The following NEBL variants were observed in gnomAD, a reference collection of about 807,000 sequenced individuals.
NEBL encodes the protein LIM and SH3 protein 2.
In NEBL, 122 loss-of-function variants were observed where a neutral mutation model predicts 140.2. The ratio of observed to expected loss-of-function variants is 0.87; its 90% confidence interval spans 0.75 to 1.01. The LOEUF is 1.01. NEBL is among the 50% of genes least tolerant of loss of function. The pLI is 0.00. For synonymous variants in NEBL, 436 were observed against 398.9 expected, an observed-to-expected ratio of 1.09 and a Z score of -1.11; for missense variants, 1,365 against 1,231.3, an observed-to-expected ratio of 1.11 and a Z score of -1.62.
chr10:21,121,775 A>G (rs898459384), intron 2 of NEBL, among the ~76,000 whole-genome samples: 2 of 152,224 alleles, frequency 1.3e-5, no homozygotes, highest in Non-Finnish European at 2.9e-5. Flanking sequence ...ACAGTAGCAC[A>G]TTAGACAGCC....
At chr10:20,934,949 A>G (rs1052914469) in intron 4 of NEBL, among the ~76,000 whole-genome samples, 5 of 152,252 alleles carry the variant, frequency 3.3e-5, no homozygotes, top group Non-Finnish European at 4.4e-5. Context: ...GTGATTGGAA[A>G]TGAATCTGGA....
chr10:21,008,303 T>A (rs990536904), intron 3 of NEBL, among the ~76,000 whole-genome samples: 3 of 152,144 alleles, frequency 2.0e-5, no homozygotes, highest in African/African-American at 7.2e-5. Context: ...TGAAAATAGG[T>A]GAGTAAAGTA....
chr10:21,035,035 G>C (rs1833959202), intron 2 of NEBL, among the ~76,000 whole-genome samples: 1 of 151,838 alleles, frequency 6.6e-6, no homozygotes, highest in Admixed American at 6.6e-5. Context: ...GTCTAGCTCT[G>C]TTGCCCAGGC....
intron 1 of NEBL, among the ~76,000 whole-genome samples, chr10:21,261,318 G>A (rs980748995): frequency 2.0e-5 from 3 of 152,196 alleles, no homozygotes; most frequent in South Asian, 2.1e-4. Context: ...AATAATGGAC[G>A]CTGAACCTCA....
chr10:20,979,769 C>T (rs752388668), intron 3 of NEBL, among the ~76,000 whole-genome samples: 6 of 152,114 alleles, frequency 3.9e-5, no homozygotes, highest in African/African-American at 7.2e-5. Context: ...TACAGTGGTG[C>T]AATCATGGCT....
At chr10:21,048,192 C>A (rs764695674) in intron 2 of NEBL, among the ~76,000 whole-genome samples, 10 of 152,194 alleles carry the variant, frequency 6.6e-5, no homozygotes, top group Non-Finnish European at 1.3e-4. Flanking sequence ...TCCCCTCGCA[C>A]GCTGTCCTCA....
chr10:21,087,142 C>G (rs542235736), intron 2 of NEBL, among the ~76,000 whole-genome samples: 2 of 152,264 alleles, frequency 1.3e-5, no homozygotes, highest in South Asian at 4.1e-4. Flanking sequence ...ATTTTTCTAT[C>G]TCTGTGAACT....
At chr10:21,144,864 T>TA (rs1468805682) in intron 2 of NEBL, among the ~76,000 whole-genome samples, 1 of 151,938 alleles carries the variant, frequency 6.6e-6, no homozygotes, top group Admixed American at 6.6e-5. Flanking sequence ...AAATAGTGGT[T>TA]AGCATGGGCT....
At chr10:21,228,928 T>C (rs1564546256) in intron 3 of NEBL, among the ~76,000 whole-genome samples, 1 of 152,118 alleles carries the variant, frequency 6.6e-6, no homozygotes, top group Non-Finnish European at 1.5e-5. Flanking sequence ...AAGTGAACTG[T>C]TGGACTCTCC....
At chr10:20,814,563 T>C (rs1838517246) in intron 22 of NEBL, among the ~76,000 whole-genome samples, 1 of 151,716 alleles carries the variant, frequency 6.6e-6, no homozygotes, top group Admixed American at 6.6e-5. Context: ...GATTGTGCTA[T>C]TGCATTCCAG....
intron 3 of NEBL, among the ~76,000 whole-genome samples, chr10:20,997,509 A>C (rs1281626990): frequency 7.4e-6 from 1 of 134,766 alleles, no homozygotes; most frequent in Non-Finnish European, 1.5e-5. Flanking sequence ...AAAAAAAAAA[A>C]AAAAACAGAA....
At chr10:20,980,175 T>C (rs1836975900) in intron 3 of NEBL, among the ~76,000 whole-genome samples, 1 of 152,142 alleles carries the variant, frequency 6.6e-6, no homozygotes, top group Non-Finnish European at 1.5e-5. Context: ...TGTGTGTTTG[T>C]AGCCTATACA....
chr10:20,982,540 A>C (rs1417953331), intron 3 of NEBL, among the ~76,000 whole-genome samples: 1 of 152,208 alleles, frequency 6.6e-6, no homozygotes, highest in Non-Finnish European at 1.5e-5. Context: ...AAACAAGATA[A>C]CTGTGATTTA....
At chr10:20,970,482 C>G (rs61000049) in intron 3 of NEBL, among the ~76,000 whole-genome samples, 5,765 of 151,356 alleles carry the variant, frequency 0.038, 364 homozygotes, top group African/African-American at 0.13. Context: ...CTGCTCCCCC[C>G]ACCAAAAAAA....
chr10:21,207,228 C>T (rs374917102), intron 3 of NEBL, among the ~76,000 whole-genome samples: 1 of 151,982 alleles, frequency 6.6e-6, no homozygotes, highest in South Asian at 2.1e-4. Context: ...CCTGCCTTGG[C>T]CTCCCAAAGT....
intron 17 of NEBL, among the ~76,000 whole-genome samples, chr10:20,827,037 C>T (rs1373635419): frequency 1.3e-5 from 2 of 152,194 alleles, no homozygotes; most frequent in Non-Finnish European, 2.9e-5. Flanking sequence ...CTATCTTCTT[C>T]ATCTTCCACT....
At chr10:21,038,743 G>T (rs1009999327) in intron 2 of NEBL, among the ~76,000 whole-genome samples, 3 of 151,990 alleles carry the variant, frequency 2.0e-5, no homozygotes, top group African/African-American at 7.3e-5. Flanking sequence ...GGGATTGCTG[G>T]GTCAAATGGG....
intron 7 of NEBL, 150 bp from the exon 8 acceptor site, chr10:20,859,976 C>T (rs1843507932): frequency 9.8e-6 from 5 of 508,366 alleles, no homozygotes. Flanking sequence ...CTTAATTAGG[C>T]ACAAAAGTTT....
intron 13 of NEBL, among the ~76,000 whole-genome samples, chr10:20,838,698 G>A (rs1478700065): frequency 6.6e-6 from 1 of 152,074 alleles, no homozygotes; most frequent in Non-Finnish European, 1.5e-5. Flanking sequence ...AAACTTCATT[G>A]TCATCTTATT....
Sources: allele counts gnomAD v4.1 joint callset (sites outside exome capture counted in the v4.1 genomes callset), GRCh38; gene constraint gnomAD v4.1.1; transcripts MANE v1.5; gene names NCBI Gene and HGNC (gene_info 2026-07-23, HGNC 2026-07-21).